The following GRM8 variants were observed in gnomAD, a reference collection of about 807,000 sequenced individuals.
The protein encoded by GRM8 is glutamate metabotropic receptor 8.
GRM8 carries 47 observed loss-of-function variants against 87.2 expected under a neutral mutation model. The observed-to-expected ratio is 0.54, with a 90% CI of 0.43 to 0.69. The LOEUF is 0.69. Ranked by LOEUF, GRM8 falls within the 30% of genes least tolerant of loss-of-function variation. GRM8 has a pLI of 0.00. For synonymous variants in GRM8, 396 were observed against 404.5 expected, an observed-to-expected ratio of 0.98 and a Z score of 0.25; for missense variants, 1,019 against 1,139.2, an observed-to-expected ratio of 0.89 and a Z score of 1.52.
chr7:126,597,192 C>G (rs190795813), intron 8 of GRM8, among the ~76,000 whole-genome samples: 1 of 152,232 alleles, frequency 6.6e-6, no homozygotes, highest in Non-Finnish European at 1.5e-5. Context: ...GCTTTTGGCT[C>G]TCCTCCCTCA....
chr7:126,592,855 T>G (rs747129683), intron 8 of GRM8, among the ~76,000 whole-genome samples: 1 of 151,868 alleles, frequency 6.6e-6, no homozygotes, highest in Non-Finnish European at 1.5e-5. Context: ...AAAGAAGAGA[T>G]AAATTGTCCT....
intron 2 of GRM8, among the ~76,000 whole-genome samples, chr7:127,216,632 C>G (rs1796570636): frequency 6.6e-6 from 1 of 151,744 alleles, no homozygotes; most frequent in Non-Finnish European, 1.5e-5. Context: ...TGAAGCACCT[C>G]TAATAGCTTC....
chr7:127,108,456 G>A (rs1308033591), intron 2 of GRM8, among the ~76,000 whole-genome samples: 2 of 152,066 alleles, frequency 1.3e-5, no homozygotes, highest in African/African-American at 2.4e-5. Context: ...TGTGTGGGGG[G>A]AAGGGAATAG....
chr7:127,239,841 G>C (rs1554617673), intron 2 of GRM8, among the ~76,000 whole-genome samples: 1 of 152,158 alleles, frequency 6.6e-6, no homozygotes, highest in Non-Finnish European at 1.5e-5. Context: ...AGAATCACCT[G>C]TAAGATGGAC....
chr7:126,539,923 GCAA>G (rs1244227306), intron 8 of GRM8, among the ~76,000 whole-genome samples: 5 of 151,610 alleles, frequency 3.3e-5, no homozygotes, highest in African/African-American at 9.7e-5. Context: ...AAAAGCAGAA[GCAA>G]CAACAACAAA....
At chr7:127,173,346 A>G (rs1793925603) in intron 2 of GRM8, among the ~76,000 whole-genome samples, 2 of 152,166 alleles carry the variant, frequency 1.3e-5, no homozygotes, top group South Asian at 4.2e-4. Flanking sequence ...CCATGTGGAC[A>G]TCTAGGGAAA....
At chr7:126,498,252 C>T (rs2150679660) in intron 9 of GRM8, among the ~76,000 whole-genome samples, 1 of 151,980 alleles carries the variant, frequency 6.6e-6, no homozygotes, top group Middle Eastern at 3.4e-3. Context: ...TATATTTGTA[C>T]CTAGAAAACT....
intron 2 of GRM8, among the ~76,000 whole-genome samples, chr7:127,190,956 A>T (rs886336097): frequency 1.3e-5 from 2 of 152,198 alleles, no homozygotes; most frequent in African/African-American, 2.4e-5. Context: ...AAAGCTTTGA[A>T]CGTTTATGTA....
At chr7:126,668,776 G>GT (rs557473722) in intron 7 of GRM8, among the ~76,000 whole-genome samples, 12 of 151,546 alleles carry the variant, frequency 7.9e-5, no homozygotes, top group South Asian at 6.3e-4. Context: ...AACTTTTAAA[G>GT]TTTTTTTTTA....
intron 3 of GRM8, among the ~76,000 whole-genome samples, chr7:127,005,048 C>A (rs1447245988): frequency 2.7e-5 from 4 of 150,054 alleles, no homozygotes; most frequent in African/African-American, 9.8e-5. Context: ...TTGTGCTGAT[C>A]ACAGATTACG....
intron 7 of GRM8, among the ~76,000 whole-genome samples, chr7:126,706,713 G>C (rs1810565358): frequency 6.6e-6 from 1 of 152,138 alleles, no homozygotes; most frequent in Non-Finnish European, 1.5e-5. Context: ...AATGCAGAAT[G>C]TTTTGCCTTT....
At chr7:126,599,177 G>C (rs1797492451) in intron 8 of GRM8, among the ~76,000 whole-genome samples, 1 of 152,104 alleles carries the variant, frequency 6.6e-6, no homozygotes, top group Admixed American at 6.6e-5. Flanking sequence ...AGTGGTAATA[G>C]TAACAACGTG....
intron 6 of GRM8, among the ~76,000 whole-genome samples, chr7:126,777,296 C>T (rs566084151): frequency 1.3e-5 from 2 of 152,126 alleles, no homozygotes; most frequent in East Asian, 3.9e-4. Flanking sequence ...AATAGTATCC[C>T]TTTAATTCTA....
chr7:126,619,376 G>T (rs986131883), intron 7 of GRM8, among the ~76,000 whole-genome samples: 1 of 152,110 alleles, frequency 6.6e-6, no homozygotes, highest in African/African-American at 2.4e-5. Flanking sequence ...GCCTGTTGTG[G>T]GGTGAGGGAA....
intron 8 of GRM8, among the ~76,000 whole-genome samples, chr7:126,580,376 T>C (rs1250387964): frequency 1.3e-5 from 2 of 152,174 alleles, no homozygotes; most frequent in East Asian, 3.8e-4. Flanking sequence ...ACCCCTGGTA[T>C]TTCCTATCTT....
chr7:127,011,721 A>G (rs1814917081), intron 3 of GRM8, among the ~76,000 whole-genome samples: 1 of 152,288 alleles, frequency 6.6e-6, no homozygotes, highest in Middle Eastern at 3.4e-3. Context: ...ACATATCACT[A>G]TTTTTAAAAA....
chr7:127,019,920 T>C (rs1010230770), intron 3 of GRM8, among the ~76,000 whole-genome samples: 1 of 151,984 alleles, frequency 6.6e-6, no homozygotes, highest in Non-Finnish European at 1.5e-5. Context: ...TCTGCAAACA[T>C]TATCTCCTTT....
chr7:127,082,739 A>T (rs960382889), intron 3 of GRM8, among the ~76,000 whole-genome samples: 1 of 152,242 alleles, frequency 6.6e-6, no homozygotes, highest in South Asian at 2.1e-4. Flanking sequence ...AGCTTATTGC[A>T]TGCTGGATCC....
chr7:127,143,306 T>C (rs911686881), intron 2 of GRM8, among the ~76,000 whole-genome samples: 4 of 152,152 alleles, frequency 2.6e-5, no homozygotes, highest in African/African-American at 9.7e-5. Context: ...CTTCCAATAA[T>C]GGGCAAACCA....
Sources: gnomAD v4.1 joint callset for allele counts (sites outside exome capture counted in the v4.1 genomes callset) on GRCh38, gnomAD v4.1.1 for gene constraint, MANE v1.5 for transcripts, NCBI Gene and HGNC (gene_info 2026-07-23, HGNC 2026-07-21) for gene names.